The following MLLT3 variants were observed in gnomAD, a reference collection of about 807,000 sequenced individuals.
MLLT3 encodes MLLT3 super elongation complex subunit, also known as protein AF-9.
Under a neutral mutation model 53.2 loss-of-function variants are expected in MLLT3, and 4 were observed. The ratio of observed to expected loss-of-function variants is 0.08; its 90% CI spans 0.04 to 0.17. MLLT3 has a LOEUF of 0.17. Ranked by LOEUF, MLLT3 falls within the 10% of genes least tolerant of loss-of-function variation. MLLT3 has a pLI of 1.00. For missense variants in MLLT3, 569 were observed against 684.0 expected, an observed-to-expected ratio of 0.83 and a Z score of 1.87; for synonymous variants, 283 against 230.6, an observed-to-expected ratio of 1.23 and a Z score of -2.06.
At chr9:20,490,281 G>A (rs544876441) in intron 2 of MLLT3, among the ~76,000 whole-genome samples, 1 of 152,344 alleles carries the variant, frequency 6.6e-6, no homozygotes, top group South Asian at 2.1e-4. Context: ...AGATTATCCA[G>A]ATGGTCCTAA....
intron 2 of MLLT3, among the ~76,000 whole-genome samples, chr9:20,524,053 T>C (rs762560776): frequency 1.3e-4 from 20 of 151,490 alleles, no homozygotes; most frequent in Non-Finnish European, 2.9e-4. Flanking sequence ...AAGGGATGAA[T>C]AGGTAGAGCA....
chr9:20,536,478 A>G (rs987963944), intron 2 of MLLT3, among the ~76,000 whole-genome samples: 1 of 152,206 alleles, frequency 6.6e-6, no homozygotes, highest in Non-Finnish European at 1.5e-5. Context: ...TTTAATACTG[A>G]GCACGCCATA....
At chr9:20,435,499 T>C (rs1479973187) in intron 4 of MLLT3, among the ~76,000 whole-genome samples, 1 of 152,206 alleles carries the variant, frequency 6.6e-6, no homozygotes, top group African/African-American at 2.4e-5. Flanking sequence ...TGGCATTAAG[T>C]GTGGCCCACA....
Position 20,343,578 on chromosome 9 carries a change from A to G in MLLT3, c.*2865T>C, listed in dbSNP as rs927220076. ...CAAAACCAGAGGCAAAAGCTAAGTT[A>G]TAAGGGGGCAGAGGGGCAGGAGCTC... is the stretch of plus-strand genomic sequence containing the variant. On this transcript the variant is annotated 3_prime_UTR_variant, in exon 11 of 11. Transcript: ENST00000380338. 1.7e-5 allele frequency: 4 copies of G among 229,530 alleles called. No individual in the cohort carries two copies. The highest frequency in any genetic ancestry group is 1.1e-4 in the Admixed American group (2 of 17,642). The allele number at this position is 229,530 out of a possible 1,614,324, so 14.2% of individuals were successfully genotyped here. A position where few individuals can be genotyped will look rare whatever the true frequency, so the allele number is the denominator to read the frequency against.
chr9:20,361,299 T>G (rs530006127), intron 7 of MLLT3, among the ~76,000 whole-genome samples: 1 of 152,190 alleles, frequency 6.6e-6, no homozygotes, highest in Admixed American at 6.5e-5. Flanking sequence ...CTACCTTTAT[T>G]TTCCTTTCCT....
chr9:20,597,132 C>A (rs1461608508), intron 2 of MLLT3, among the ~76,000 whole-genome samples: 1 of 151,884 alleles, frequency 6.6e-6, no homozygotes, highest in African/African-American at 2.4e-5. Flanking sequence ...TTATACTAAT[C>A]TTGTATGCTA....
intron 8 of MLLT3, among the ~76,000 whole-genome samples, chr9:20,355,455 A>C (rs1821148811): frequency 6.6e-6 from 1 of 152,242 alleles, no homozygotes; most frequent in Admixed American, 6.5e-5. Context: ...TAAAACGCCA[A>C]GTGCTTTTCC....
chr9:20,608,615 T>C lies in MLLT3; in HGVS notation c.193+12039A>G, dbSNP rs1028698905. On this transcript the variant is annotated intron_variant, in intron 2 of 10. Transcript: ENST00000380338. The stretch of plus-strand genomic sequence containing the variant: ...TTATGAAACATTGTGCAAATACTCA[T>C]AGTAACATTAAAGGAAAAGACTCAA... Among the ~76,000 whole-genome samples the C allele has an allele frequency of 5.3e-5, 8 of 151,922 alleles. No individual in the cohort carries two copies. In the East Asian group the frequency reaches 7.7e-4, roughly 15 times the overall value.
chr9:20,533,087 G>A, intron 2 of MLLT3: 1 of 246,426 alleles, frequency 4.1e-6, no homozygotes, highest in Non-Finnish European at 8.0e-6. Flanking sequence ...GTAAAATGGG[G>A]GTCCCTTAAG....
At chr9:20,368,597 A>C (rs1821516305) in intron 5 of MLLT3, among the ~76,000 whole-genome samples, 1 of 152,208 alleles carries the variant, frequency 6.6e-6, no homozygotes, top group African/African-American at 2.4e-5. Flanking sequence ...CTCAAGCATC[A>C]TGTCAATCTC....
In MLLT3 at chr9:20,346,394, C is replaced by CAA; in HGVS notation, c.*48_*49insTT. On this transcript the variant is annotated 3_prime_UTR_variant, in exon 11 of 11. Transcript: ENST00000380338. The stretch of plus-strand genomic sequence containing the variant: ...AAATCACAACCAAAAAAAAAAAAAA[C>CAA]CAAAAAAAAAAAACACAATAGTTCT... 13 of 1,208,526 alleles carry CAA rather than the reference C, an allele frequency of 1.1e-5. No homozygotes were observed. Among genetic ancestry groups the CAA allele is most frequent in the East Asian group, 3.1e-5 (1 of 32,764 alleles). The allele number at this position is 1,208,526 out of a possible 1,614,324, so 74.9% of individuals were successfully genotyped here.
At chr9:20,567,878 C>A (rs1286732563) in intron 2 of MLLT3, among the ~76,000 whole-genome samples, 1 of 152,064 alleles carries the variant, frequency 6.6e-6, no homozygotes, top group Admixed American at 6.6e-5. Flanking sequence ...AAGAGAAAGG[C>A]CCATGTTTCA....
chr9:20,562,220 A>G (rs1819235115), intron 2 of MLLT3, among the ~76,000 whole-genome samples: 1 of 152,130 alleles, frequency 6.6e-6, no homozygotes, highest in African/African-American at 2.4e-5. Context: ...TAGTTTCACA[A>G]TCACTATAAG....
intron 5 of MLLT3, among the ~76,000 whole-genome samples, chr9:20,392,369 C>T (rs1274802638): frequency 6.6e-5 from 10 of 152,130 alleles, no homozygotes; most frequent in Non-Finnish European, 4.4e-5. Flanking sequence ...GATGATAGAA[C>T]TGTAATTTGA....
At chr9:20,471,527 T>C (rs1025369012) in intron 2 of MLLT3, among the ~76,000 whole-genome samples, 1 of 152,088 alleles carries the variant, frequency 6.6e-6, no homozygotes, top group Non-Finnish European at 1.5e-5. Flanking sequence ...TGACATTTCC[T>C]AGCTGTAGTA....
At chr9:20,353,343 C>G (rs928484495) in intron 10 of MLLT3, among the ~76,000 whole-genome samples, 182 bp downstream of exon 10, 1 of 152,224 alleles carries the variant, frequency 6.6e-6, no homozygotes, top group Non-Finnish European at 1.5e-5. Context: ...TGCCATAGAG[C>G]TCCAGAGCAG....
intron 5 of MLLT3, among the ~76,000 whole-genome samples, chr9:20,395,924 G>T (rs1401175415): frequency 6.6e-6 from 1 of 152,142 alleles, no homozygotes; most frequent in African/African-American, 2.4e-5. Flanking sequence ...GGTAACAACT[G>T]TACTGTAGAA....
At chr9:20,452,189 C>G (rs1319307364) in intron 3 of MLLT3, among the ~76,000 whole-genome samples, 2 of 152,092 alleles carry the variant, frequency 1.3e-5, no homozygotes, top group East Asian at 1.9e-4. Context: ...TTTCATAAAC[C>G]ATTTGATATG....
At chr9:20,352,695 C>G (rs1449396534) in intron 10 of MLLT3, among the ~76,000 whole-genome samples, 1 of 146,644 alleles carries the variant, frequency 6.8e-6, no homozygotes, top group East Asian at 2.0e-4. Context: ...AATGTGACCA[C>G]CAGCCATTAA....
Sources: gnomAD v4.1 joint callset for allele counts (sites outside exome capture counted in the v4.1 genomes callset) on GRCh38, gnomAD v4.1.1 for gene constraint, MANE v1.5 for transcripts, NCBI Gene and HGNC (gene_info 2026-07-23, HGNC 2026-07-21) for gene names.